Variants in SERP2 observed in about 807,000 individuals in gnomAD.
SERP2 encodes stress-associated endoplasmic reticulum protein 2.
SERP2 carries 6 observed loss-of-function variants against 9.1 expected under a neutral mutation model. The observed-to-expected ratio is 0.66, with a 90% CI of 0.36 to 1.30. SERP2 has a LOEUF of 1.30. SERP2 is among the 50% of genes most tolerant of loss of function. The pLI, the probability that SERP2 is intolerant of heterozygous loss-of-function variation, is 0.03. For missense variants in SERP2, 58 were observed against 81.9 expected (o/e 0.71, Z 1.13); for synonymous variants, 37 against 27.3 (o/e 1.35, Z -1.10).
intron 1 of SERP2, among the ~76,000 whole-genome samples, chr13:44,374,532 C>T (rs1375101080): frequency 6.6e-6 from 1 of 152,148 alleles, no homozygotes; most frequent in African/African-American, 2.4e-5. Context: ...TTGCATGACA[C>T]AGAGCCTGGA....
chr13:44,385,481 G>A (rs971502018), intron 2 of SERP2, among the ~76,000 whole-genome samples: 1 of 152,250 alleles, frequency 6.6e-6, no homozygotes, highest in African/African-American at 2.4e-5. Flanking sequence ...GCACTTGGTG[G>A]AAACCTCTAA....
Position 44,397,610 on chromosome 13 carries a change from T to G in SERP2, c.*298T>G. 2.2e-6 allele frequency: 1 copy of G among 458,354 alleles called. No homozygotes were observed. The highest frequency in any genetic ancestry group is 2.2e-5 in the South Asian group (1 of 44,896). 28.4% of individuals were successfully genotyped at this position (458,354 alleles called of 1,614,324 possible). A position where few individuals can be genotyped will look rare whatever the true frequency, so the allele number is the denominator to read the frequency against. The stretch of plus-strand genomic sequence containing the variant: ...TTGGTTTTTCCCTTGGTTTCACTAA[T>G]GCGTGCATGTGGCCCTCTGAACGAT... On this transcript the variant is annotated 3_prime_UTR_variant, in exon 3 of 3. Transcript: ENST00000379179.
chr13:44,396,830 G>A (rs1873135842), intron 2 of SERP2, among the ~76,000 whole-genome samples: 1 of 152,214 alleles, frequency 6.6e-6, no homozygotes, highest in African/African-American at 2.4e-5. Flanking sequence ...GCTGCTCCGA[G>A]CACCTGGTCG....
intron 1 of SERP2, among the ~76,000 whole-genome samples, chr13:44,377,701 G>A (rs1871742832): frequency 4.6e-5 from 7 of 152,170 alleles, no homozygotes; most frequent in Admixed American, 4.6e-4. Flanking sequence ...TATTTCTCAT[G>A]TAGGAGAGAT....
chr13:44,385,508 G>A (rs930774208), intron 2 of SERP2, among the ~76,000 whole-genome samples: 5 of 152,352 alleles, frequency 3.3e-5, no homozygotes, highest in South Asian at 4.1e-4. Context: ...GTCCTGGTGA[G>A]AGGGAGTTTG....
intron 2 of SERP2, among the ~76,000 whole-genome samples, chr13:44,386,237 A>T (rs1271995895): frequency 2.6e-5 from 4 of 152,218 alleles, no homozygotes; most frequent in African/African-American, 7.2e-5. Context: ...ATTTCCTTAA[A>T]GCAACCCCAA....
chr13:44,377,363 C>T (rs1871717413), intron 1 of SERP2, among the ~76,000 whole-genome samples: 1 of 152,168 alleles, frequency 6.6e-6, no homozygotes, highest in Non-Finnish European at 1.5e-5. Flanking sequence ...AGCAACAGAA[C>T]TGGTTTCTGG....
chr13:44,393,612 T>G (rs1030599298), intron 2 of SERP2, among the ~76,000 whole-genome samples: 11 of 152,202 alleles, frequency 7.2e-5, no homozygotes, highest in African/African-American at 2.7e-4. Context: ...GTTCCTCTCC[T>G]GCAGCCTGTT....
chr13:44,373,952 C>T lies in SERP2; in HGVS notation c.-74C>T, dbSNP rs1358691262. On this transcript the variant is annotated 5_prime_UTR_variant, in exon 1 of 3. The change creates a new upstream start codon in the 5' untranslated region. Transcript: ENST00000379179. The surrounding 1 kb of genome is among the most constrained non-coding windows in gnomAD (Gnocchi z 4.8). The stretch of plus-strand genomic sequence containing the variant: ...GTGGGCCGCGGGGGCCTCGGCGGGA[C>T]GCGCTCGGCCCTGTCGCAGGAGCTA... 2.2e-6 allele frequency: 3 copies of T among 1,393,658 alleles called. No individual in the cohort carries two copies. The highest frequency in any genetic ancestry group is 2.9e-6 in the Non-Finnish European group (3 of 1,019,744). 86.3% of individuals were successfully genotyped at this position (1,393,658 alleles called of 1,614,324 possible).
chr13:44,392,196 C>CAAAAAAAAAAAAAAAAAAAAAAAAAA (rs760513486), intron 2 of SERP2, among the ~76,000 whole-genome samples: 1 of 35,988 alleles, frequency 2.8e-5, no homozygotes, highest in Non-Finnish European at 4.4e-5. Context: ...GACTCTGTCT[C>CAAAAAAAAAAAAAAAAAAAAAAAAAA]AAAAAAAAAA....
intron 2 of SERP2, among the ~76,000 whole-genome samples, chr13:44,383,737 G>A (rs776936719): frequency 2.0e-5 from 3 of 146,966 alleles, no homozygotes; most frequent in Non-Finnish European, 4.5e-5. Flanking sequence ...TTTTTTAGTA[G>A]TGACGGGGTT....
intron 2 of SERP2, among the ~76,000 whole-genome samples, chr13:44,392,214 G>A (rs1289503675): frequency 0.028 from 231 of 8,398 alleles, 1 homozygote; most frequent in Non-Finnish European, 0.04. Flanking sequence ...AAAAAAAAAA[G>A]CCCTGTGGTG....
rs1871828223 is a variant in SERP2 at position 44,379,264 on chromosome 13, A to T, written c.85-377A>T. On this transcript the variant is annotated intron_variant, in intron 1 of 2. Coordinates refer to ENST00000379179, the MANE Select transcript of SERP2 (RefSeq NM_001010897.3). ...GGAAATAATAATACTTGCCAGAAAT[A>T]ATGAATGCAGACTGCCTAGTGTAGT... Among the ~76,000 whole-genome samples, 3 of 152,224 alleles carry T rather than the reference A, an allele frequency of 2.0e-5. 1 individual carries two copies. The South Asian group carries it at 6.2e-4, about 32-fold the overall frequency.
intron 2 of SERP2, among the ~76,000 whole-genome samples, chr13:44,386,866 G>A (rs1336695110): frequency 3.9e-5 from 6 of 152,152 alleles, no homozygotes; most frequent in African/African-American, 9.7e-5. Context: ...GATCTACTAG[G>A]ACCCAGATCC....
intron 1 of SERP2, among the ~76,000 whole-genome samples, chr13:44,374,692 G>T (rs1362896011): frequency 6.6e-6 from 1 of 152,124 alleles, no homozygotes; most frequent in Non-Finnish European, 1.5e-5. Flanking sequence ...CCTTTGTGAC[G>T]GTTTCACTGG....
At chr13:44,392,400 A>G (rs1433775183) in intron 2 of SERP2, among the ~76,000 whole-genome samples, 3 of 151,980 alleles carry the variant, frequency 2.0e-5, no homozygotes, top group Admixed American at 1.3e-4. Flanking sequence ...CGGGAGTGAC[A>G]ATATATTATT....
At chr13:44,383,547 T>TTG (rs1255212164) in intron 2 of SERP2, among the ~76,000 whole-genome samples, 2,542 of 115,692 alleles carry the variant, frequency 0.022, 71 homozygotes, top group Middle Eastern at 0.066. Context: ...GGTTTGCGTT[T>TTG]TTTTTGTTTT....
intron 1 of SERP2, 98 bp downstream of exon 1, chr13:44,374,207 G>T: frequency 2.5e-6 from 2 of 806,322 alleles, no homozygotes; most frequent in South Asian, 5.8e-5. Context: ...CGCAGGGTCC[G>T]GCCTCCCGGC....
At chr13:44,390,382 T>C (rs1406646532) in intron 2 of SERP2, 2 of 444,956 alleles carry the variant, frequency 4.5e-6, no homozygotes, top group Admixed American at 2.5e-5. Context: ...TGGCCTCTCC[T>C]GGAGACTGCC....
Sources: allele counts gnomAD v4.1 joint callset (sites outside exome capture counted in the v4.1 genomes callset), GRCh38; gene constraint gnomAD v4.1.1; non-coding constraint Gnocchi (gnomAD v3.1); transcripts MANE v1.5; gene names NCBI Gene and HGNC (gene_info 2026-07-23, HGNC 2026-07-21).